Variants in CDKAL1 observed in about 807,000 individuals in gnomAD.
CDKAL1 encodes CDKAL1 threonylcarbamoyladenosine tRNA methylthiotransferase.
In CDKAL1, 32 loss-of-function variants were observed where a neutral mutation model predicts 68.2. The ratio of observed to expected loss-of-function variants is 0.47; its 90% CI spans 0.35 to 0.63. The LOEUF (loss-of-function observed/expected upper bound fraction) is 0.63, where lower values mean the gene tolerates loss of function less well. Among genes scored for constraint, CDKAL1 ranks in the 30% least tolerant of loss-of-function variants. The pLI is 0.00. For synonymous variants in CDKAL1, 234 were observed against 244.3 expected (o/e 0.96, Z 0.39); for missense variants, 606 against 696.7 (o/e 0.87, Z 1.47).
chr6:21,127,015 CGAA>C (rs771004071), intron 13 of CDKAL1, among the ~76,000 whole-genome samples: 12 of 152,156 alleles, frequency 7.9e-5, no homozygotes, highest in Non-Finnish European at 1.8e-4. Flanking sequence ...CTTTCAAATA[CGAA>C]GAAGAGAGAT....
At chr6:21,016,233 C>G (rs949788537) in intron 11 of CDKAL1, among the ~76,000 whole-genome samples, 4 of 151,780 alleles carry the variant, frequency 2.6e-5, no homozygotes, top group African/African-American at 7.3e-5. Context: ...TTGATGTCTA[C>G]CTTTTATACG....
rs199754503 is a variant in CDKAL1, at chr6:20,546,398, C to G, written c.48C>G (p.Ile16Met). Residue 16 changes from isoleucine to methionine, a missense_variant, in exon 3 of 16, where the codon ATC (isoleucine) becomes ATG (methionine). Coordinates refer to ENST00000274695, the MANE Select transcript of CDKAL1 (RefSeq NM_017774.3). ...CDTLLDDIEDIVSQEDSKPQD... is the reference protein window; with the variant it reads ...CDTLLDDIEDMVSQEDSKPQD... ...CACTACTGGATGACATCGAAGATAT[C>G]GTGTCTCAGGAAGATTCAAAACCAC... 6.2e-7 allele frequency: 1 copy of G among 1,613,702 alleles called. No individual in the cohort carries two copies. Among genetic ancestry groups the G allele is most frequent in the African/African-American group, 1.3e-5 (1 of 75,000 alleles).
chr6:21,089,938 G>A (rs926633136), intron 12 of CDKAL1, among the ~76,000 whole-genome samples: 8 of 152,208 alleles, frequency 5.3e-5, no homozygotes, highest in East Asian at 3.8e-4. Context: ...AGGAAGTTAC[G>A]TATGAGCTGA....
chr6:20,900,742 A>G lies in CDKAL1; in HGVS notation c.742+54564A>G, dbSNP rs552878385. Among the ~76,000 whole-genome samples, 3 of 152,334 alleles carry G rather than the reference A, an allele frequency of 2.0e-5. No individual in the cohort carries two copies. The South Asian group carries it at 6.2e-4, about 32-fold the overall frequency. Reference sequence around the variant, plus strand: ...CTTCTTGGTAAAGGAGGAAAATGCAAACTTTCTTTTTCAACATCTTACTGT... The same window carrying G: ...CTTCTTGGTAAAGGAGGAAAATGCAGACTTTCTTTTTCAACATCTTACTGT... On this transcript the variant is annotated intron_variant, in intron 9 of 15. Coordinates refer to ENST00000274695, the MANE Select transcript of CDKAL1 (RefSeq NM_017774.3).
intron 13 of CDKAL1, among the ~76,000 whole-genome samples, chr6:21,185,859 T>C (rs1777989139): frequency 6.6e-6 from 1 of 152,204 alleles, no homozygotes; most frequent in African/African-American, 2.4e-5. Context: ...TTTCTCAATA[T>C]TATATTCCTA....
At chr6:20,737,869 CTCTG>C (rs558170643) in intron 5 of CDKAL1, among the ~76,000 whole-genome samples, 21 of 152,238 alleles carry the variant, frequency 1.4e-4, no homozygotes, top group African/African-American at 4.8e-4. Flanking sequence ...GTATTTTGTA[CTCTG>C]TCTATTCATT....
At chr6:20,940,206 A>G (rs554034970) in intron 9 of CDKAL1, among the ~76,000 whole-genome samples, 11 of 152,306 alleles carry the variant, frequency 7.2e-5, no homozygotes, top group African/African-American at 2.4e-4. Context: ...AAATATGTCA[A>G]TACAATCAAG....
Position 20,793,759 on chromosome 6 carries a change from A to AGTC in CDKAL1, c.638+12494_638+12495insGTC, listed in dbSNP as rs1775996575. ...AAAGAATAATATAGACATTTCAGGG[A>AGTC]TTGTTTTTTTTTAATTTTAAATTTA... On this transcript the variant is annotated intron_variant, in intron 8 of 15. Coordinates refer to ENST00000274695, the MANE Select transcript of CDKAL1 (RefSeq NM_017774.3). Among the ~76,000 whole-genome samples, 3 of 106,848 alleles carry AGTC rather than the reference A, an allele frequency of 2.8e-5. No individual in the cohort carries two copies. In the South Asian group the frequency reaches 9.5e-4, roughly 34 times the overall value. 70.1% of individuals were successfully genotyped at this position (106,848 alleles called of 152,430 possible).
chr6:21,058,103 A>C (rs1259861385), intron 11 of CDKAL1, among the ~76,000 whole-genome samples: 2 of 152,214 alleles, frequency 1.3e-5, no homozygotes, highest in Non-Finnish European at 2.9e-5. Context: ...TCTAATATTG[A>C]AAGTGGGGTT....
chr6:21,057,895 G>A (rs569891396), intron 11 of CDKAL1, among the ~76,000 whole-genome samples: 11 of 152,214 alleles, frequency 7.2e-5, no homozygotes, highest in East Asian at 1.9e-4. Flanking sequence ...TATGATTTCT[G>A]TTCTTTTGCA....
intron 11 of CDKAL1, among the ~76,000 whole-genome samples, chr6:21,008,958 A>ATTCTGTG (rs912807924): frequency 1.9e-4 from 29 of 152,296 alleles, no homozygotes; most frequent in African/African-American, 5.8e-4. Flanking sequence ...CTTCTTAGAG[A>ATTCTGTG]TTCTGTGGAC....
intron 4 of CDKAL1, among the ~76,000 whole-genome samples, chr6:20,583,827 C>T (rs571912046): frequency 1.4e-5 from 2 of 148,120 alleles, no homozygotes; most frequent in East Asian, 2.1e-4. Context: ...GAGAATCACT[C>T]CTCTCAACAA....
intron 9 of CDKAL1, among the ~76,000 whole-genome samples, chr6:20,876,428 G>GA (rs1238265583): frequency 2.0e-5 from 3 of 152,106 alleles, no homozygotes; most frequent in African/African-American, 7.2e-5. Context: ...AGCCTTGGAG[G>GA]AAAAAATCCC....
chr6:20,943,885 G>A (rs978820014), intron 9 of CDKAL1, among the ~76,000 whole-genome samples: 4 of 151,872 alleles, frequency 2.6e-5, no homozygotes, highest in East Asian at 3.9e-4. Context: ...TTAAAAGTAC[G>A]AACCCAGCCT....
intron 12 of CDKAL1, among the ~76,000 whole-genome samples, chr6:21,073,040 T>G (rs539770303): frequency 6.6e-6 from 1 of 152,304 alleles, no homozygotes; most frequent in African/African-American, 2.4e-5. Context: ...CCTCTAATTT[T>G]GCCTTTTCCA....
rs77114423 is a variant in CDKAL1 at position 20,588,335 on chromosome 6, A to G, written c.286+39630A>G. Among the ~76,000 whole-genome samples, 317 of 152,284 alleles carry G rather than the reference A, an allele frequency of 2.1e-3. 3 individuals carry two copies. The East Asian group carries it at 0.035, about 17-fold the overall frequency. On this transcript the variant is annotated intron_variant, in intron 4 of 15. Transcript: ENST00000274695. ...CCCAAAGAGTATATTCTTCAAAGCT[A>G]CCTTCTACATGACTCCCTCACCCAA...
chr6:20,929,126 T>C (rs886216318), intron 9 of CDKAL1, among the ~76,000 whole-genome samples: 1 of 152,198 alleles, frequency 6.6e-6, no homozygotes, highest in Non-Finnish European at 1.5e-5. Context: ...GCATAAATCC[T>C]GACAGTTCCA....
intron 11 of CDKAL1, among the ~76,000 whole-genome samples, chr6:21,016,312 G>A (rs1340315994): frequency 6.6e-6 from 1 of 152,016 alleles, no homozygotes; most frequent in South Asian, 2.1e-4. Context: ...CCTAGTTCCA[G>A]AGCTGGTGCT....
At chr6:20,812,557 G>A (rs1235631175) in intron 8 of CDKAL1, among the ~76,000 whole-genome samples, 1 of 152,088 alleles carries the variant, frequency 6.6e-6, no homozygotes, top group African/African-American at 2.4e-5. Context: ...ATCCCCATCT[G>A]CAGAGAACTG....
Sources: allele counts gnomAD v4.1 joint callset (sites outside exome capture counted in the v4.1 genomes callset), GRCh38; gene constraint gnomAD v4.1.1; transcripts MANE v1.5; gene names NCBI Gene and HGNC (gene_info 2026-07-23, HGNC 2026-07-21).